The following ZNF385D variants were observed in gnomAD, a reference collection of about 807,000 sequenced individuals.
ZNF385D encodes the protein zinc finger protein 659.
Under a neutral mutation model 35.8 loss-of-function variants are expected in ZNF385D, and 15 were observed. The observed-to-expected ratio is 0.42, with a 90% CI of 0.28 to 0.64. The LOEUF (loss-of-function observed/expected upper bound fraction) is 0.64. Ranked by LOEUF, ZNF385D falls within the 30% of genes least tolerant of loss-of-function variation. The pLI, the probability that ZNF385D is intolerant of heterozygous loss-of-function variation, is 0.23. For synonymous variants in ZNF385D, 212 were observed against 186.8 expected (o/e 1.13, Z -1.10); for missense variants, 474 against 494.6 (o/e 0.96, Z 0.39).
chr3:22,340,573 G>A (rs1695378009), intron 2 of ZNF385D, among the ~76,000 whole-genome samples: 1 of 152,162 alleles, frequency 6.6e-6, no homozygotes, highest in Non-Finnish European at 1.5e-5. Flanking sequence ...TTGAACCTGG[G>A]ACGTGGAGGT....
chr3:21,586,040 TACAC>T (rs10571982), intron 2 of ZNF385D, among the ~76,000 whole-genome samples: 21,323 of 135,782 alleles, frequency 0.16, 1,521 homozygotes, highest in Non-Finnish European at 0.17. Context: ...TACAAATACA[TACAC>T]ACACACACAC....
intron 3 of ZNF385D, among the ~76,000 whole-genome samples, chr3:21,829,682 G>A (rs1694866363): frequency 6.6e-6 from 1 of 152,044 alleles, no homozygotes; most frequent in Admixed American, 6.6e-5. Flanking sequence ...AGCTGCAGTA[G>A]CCCAGGTAGG....
chr3:22,003,552 T>A (rs747226066), intron 3 of ZNF385D, among the ~76,000 whole-genome samples: 34 of 152,116 alleles, frequency 2.2e-4, no homozygotes, highest in Middle Eastern at 3.2e-3. Flanking sequence ...TCAATAATGT[T>A]TTTTACAGAA....
intron 6 of ZNF385D, 107 bp downstream of exon 6, chr3:21,425,385 T>C (rs1184516007): frequency 1.7e-6 from 2 of 1,169,298 alleles, no homozygotes; most frequent in East Asian, 2.7e-5. Flanking sequence ...GATGAATAGA[T>C]GGGTGAATGG....
chr3:21,633,357 G>A (rs2065336598), intron 2 of ZNF385D, among the ~76,000 whole-genome samples: 1 of 151,578 alleles, frequency 6.6e-6, no homozygotes. Context: ...TAAAAAATAT[G>A]GAAAAACAAA....
At chr3:22,260,603 A>G (rs1700578315) in intron 2 of ZNF385D, among the ~76,000 whole-genome samples, 1 of 152,014 alleles carries the variant, frequency 6.6e-6, no homozygotes, top group Non-Finnish European at 1.5e-5. Flanking sequence ...TATAAATTTG[A>G]TAGGTATTTT....
At chr3:22,123,946 CTCTCTCTCTCTCTCTCTATATA>C (rs1214267823) in intron 3 of ZNF385D, among the ~76,000 whole-genome samples, 9 of 101,150 alleles carry the variant, frequency 8.9e-5, no homozygotes, top group South Asian at 3.6e-4. Flanking sequence ...CTCTCTCTCT[CTCTCTCTCTCTCTCTCTATATA>C]TATATATATA....
chr3:21,911,398 A>G (rs2125913417), intron 3 of ZNF385D, among the ~76,000 whole-genome samples: 1 of 152,080 alleles, frequency 6.6e-6, no homozygotes, highest in Non-Finnish European at 1.5e-5. Flanking sequence ...CACTGTGACA[A>G]GGTCATGCTG....
intron 3 of ZNF385D, among the ~76,000 whole-genome samples, chr3:21,968,325 G>A (rs1189454126): frequency 4.6e-5 from 7 of 152,058 alleles, no homozygotes; most frequent in South Asian, 2.1e-4. Flanking sequence ...AAACTTAAAC[G>A]GCAGTCTAGG....
At chr3:22,116,900 G>T (rs186989456) in intron 3 of ZNF385D, among the ~76,000 whole-genome samples, 1 of 152,152 alleles carries the variant, frequency 6.6e-6, no homozygotes, top group East Asian at 1.9e-4. Flanking sequence ...TTGTCACCAT[G>T]TGCTAGTCAC....
intron 3 of ZNF385D, among the ~76,000 whole-genome samples, chr3:21,881,002 G>C (rs1698249716): frequency 6.6e-6 from 1 of 151,956 alleles, no homozygotes; most frequent in Non-Finnish European, 1.5e-5. Flanking sequence ...GGAAGCTGTG[G>C]AAGAAAAGTC....
chr3:21,820,077 T>C (rs973330944), intron 3 of ZNF385D, among the ~76,000 whole-genome samples: 4 of 151,482 alleles, frequency 2.6e-5, no homozygotes, highest in Admixed American at 2.6e-4. Context: ...GAATAAAATA[T>C]TGAATATATT....
intron 3 of ZNF385D, among the ~76,000 whole-genome samples, chr3:21,908,118 ATATCTATCTATC>A (rs61001621): frequency 0.02 from 2,735 of 135,724 alleles, 37 homozygotes; most frequent in African/African-American, 0.033. Context: ...CTTTCTCTCT[ATATCTATCTATC>A]TATCTATCTA....
chr3:21,975,338 G>T (rs1169511766), intron 3 of ZNF385D, among the ~76,000 whole-genome samples: 1 of 152,092 alleles, frequency 6.6e-6, no homozygotes, highest in Non-Finnish European at 1.5e-5. Context: ...TCACTTATTG[G>T]TGGGAGCTAA....
intron 3 of ZNF385D, among the ~76,000 whole-genome samples, chr3:21,779,497 T>A (rs1050396266): frequency 1.3e-5 from 2 of 152,130 alleles, no homozygotes; most frequent in Middle Eastern, 3.4e-3. Flanking sequence ...ATTTTGGATG[T>A]AATAAAAAGG....
chr3:22,063,236 G>GA (rs1310142546), intron 3 of ZNF385D, among the ~76,000 whole-genome samples: 1 of 151,996 alleles, frequency 6.6e-6, no homozygotes, highest in Non-Finnish European at 1.5e-5. Context: ...CTGGTTTACT[G>GA]AAAAAATTAA....
At chr3:21,826,966 C>G (rs1694683406) in intron 3 of ZNF385D, among the ~76,000 whole-genome samples, 1 of 152,130 alleles carries the variant, frequency 6.6e-6, no homozygotes, top group African/African-American at 2.4e-5. Context: ...GCCATCTACT[C>G]AGCCATACAG....
At chr3:21,576,386 T>G (rs188436426) in intron 2 of ZNF385D, among the ~76,000 whole-genome samples, 2 of 152,334 alleles carry the variant, frequency 1.3e-5, no homozygotes, top group Admixed American at 1.3e-4. Flanking sequence ...CCTAATGTTC[T>G]ATGGTAGCTT....
chr3:21,541,142 G>C (rs1347871339), intron 3 of ZNF385D, among the ~76,000 whole-genome samples: 1 of 152,150 alleles, frequency 6.6e-6, no homozygotes. Context: ...AGTCATCTAA[G>C]AAATTCTAGC....
Sources: allele counts gnomAD v4.1 joint callset (sites outside exome capture counted in the v4.1 genomes callset), GRCh38; gene constraint gnomAD v4.1.1; transcripts MANE v1.5; gene names NCBI Gene and HGNC (gene_info 2026-07-23, HGNC 2026-07-21).